RANBP3: variants seen among roughly 807,000 people sequenced by gnomAD.
RANBP3 encodes ran-binding protein 3.
RANBP3 carries 14 observed loss-of-function variants against 77.3 expected under a neutral mutation model. The observed-to-expected ratio is 0.18, with a 90% CI of 0.12 to 0.28. RANBP3 has a LOEUF of 0.28. Among genes scored for constraint, RANBP3 ranks in the 10% least tolerant of loss-of-function variants. The probability of loss-of-function intolerance (pLI) is 1.00; values close to 1 mark genes in which losing one functional copy is unlikely to be tolerated. For missense variants in RANBP3, 586 were observed against 752.3 expected (o/e 0.78, Z 2.59); for synonymous variants, 315 against 312.4 (o/e 1.01, Z -0.09).
In RANBP3 at chr19:5,932,496, G is replaced by A. The variant is rs2058006640; in HGVS notation, c.521C>T (p.Pro174Leu). 1.2e-6 allele frequency: 2 copies of A among 1,613,862 alleles called. No homozygotes were observed. The highest frequency in any genetic ancestry group is 1.7e-6 in the Non-Finnish European group (2 of 1,180,016). The change falls in exon 7 of 17, where the codon CCG becomes CTG. Residue 174 changes from proline (P) to leucine (L), a missense_variant. By Grantham distance (98) the Pro-to-Leu change is moderately conservative. Coordinates refer to ENST00000340578, the MANE Select transcript of RANBP3 (RefSeq NM_007322.3). The part of the protein sequence containing the change: ...PKEQQRSVLR[P>L]AVLQAPQPKA... ...TGGCTGCGGAGCTTGTAACACTGCC[G>A]GGCGAAGCACGCTCCGCTGCTGCTC...
chr19:5,920,868 G>C (rs559707488), intron 14 of RANBP3: 5 of 188,306 alleles, frequency 2.7e-5, no homozygotes, highest in Non-Finnish European at 5.5e-5. Flanking sequence ...TTTATCAAGA[G>C]ATTAGACTTG....
intron 1 of RANBP3, among the ~76,000 whole-genome samples, chr19:5,977,667 G>A (rs1368639120): frequency 6.6e-6 from 1 of 152,204 alleles, no homozygotes; most frequent in Admixed American, 6.5e-5. Context: ...GAGGACGAGG[G>A]GGCGGGGAGG....
At chr19:5,975,848 A>G (rs2058584427) in intron 1 of RANBP3, among the ~76,000 whole-genome samples, 1 of 151,870 alleles carries the variant, frequency 6.6e-6, no homozygotes, top group Non-Finnish European at 1.5e-5. Context: ...CAGCAGGAGA[A>G]AAGGCTAAAA....
At position 5,921,904 on chromosome 19, in the gene RANBP3, A is replaced by C. The variant is rs1392664779; in HGVS notation, c.1210-583T>G. 3.3e-5 allele frequency among the ~76,000 whole-genome samples: 5 copies of C among 152,208 alleles called. No individual in the cohort carries two copies. The highest frequency in any genetic ancestry group is 3.3e-4 in the Admixed American group (5 of 15,286). The stretch of plus-strand genomic sequence containing the variant: ...GAACAAGGCTCCGACCCCCGCTGCA[A>C]CGTGGATGAACCTCTGGCTCAGCGA... On this transcript the variant is annotated intron_variant, in intron 13 of 16. Coordinates refer to ENST00000340578, the MANE Select transcript of RANBP3 (RefSeq NM_007322.3). The surrounding 1 kb of genome is among the most constrained non-coding windows in gnomAD (Gnocchi z 5.3).
intron 1 of RANBP3, among the ~76,000 whole-genome samples, chr19:5,966,413 CA>C (rs1326000822): frequency 6.6e-6 from 1 of 152,212 alleles, no homozygotes; most frequent in Non-Finnish European, 1.5e-5. Context: ...GGCACACACT[CA>C]ATGGTGACAC....
intron 5 of RANBP3, among the ~76,000 whole-genome samples, chr19:5,935,505 T>C (rs2058051997): frequency 6.6e-6 from 1 of 152,248 alleles, no homozygotes; most frequent in African/African-American, 2.4e-5. Context: ...ATTCACAATT[T>C]AGATAGTTTT....
rs1223290892 is a variant in RANBP3, at chr19:5,917,886, A to G, written c.1568T>C (p.Met523Thr). The G allele has an allele frequency of 6.2e-7, 1 of 1,612,728 alleles. No homozygotes were observed. The highest frequency in any genetic ancestry group is 1.3e-5 in the African/African-American group (1 of 74,922). Reference sequence around the variant, plus strand: ...GGCTGCCCCAGGCTCAGGCGCGGGCATCTTGGCCTCCTGCTCCTGCTCCAC... The same window carrying G: ...GGCTGCCCCAGGCTCAGGCGCGGGCGTCTTGGCCTCCTGCTCCTGCTCCAC... ...SRVEQEQEAK[M>T]PAPEPGAAPS... is the part of the protein sequence containing the mutation. Residue 523 changes from methionine to threonine, a missense_variant, in exon 16 of 17, where the codon ATG (methionine) becomes ACG (threonine). Coordinates refer to ENST00000340578, the MANE Select transcript of RANBP3 (RefSeq NM_007322.3).
Position 5,923,907 on chromosome 19 carries a change from G to C in RANBP3, c.1004C>G (p.Pro335Arg). Residue 335 changes from proline to arginine, a missense_variant, in exon 12 of 17, where the codon CCA (proline) becomes CGA (arginine). Pro to Arg is a moderately radical substitution (Grantham distance 103). Coordinates refer to ENST00000340578, the MANE Select transcript of RANBP3 (RefSeq NM_007322.3). ...QNMSERVLSP[P>R]KLNEVSSDAN... ...ATCTGAACTGACCTCGTTTAATTTTGGGGGGCTCTGCAGGGACACAAAAGC... is the reference window on the plus strand; with the variant it reads ...ATCTGAACTGACCTCGTTTAATTTTCGGGGGCTCTGCAGGGACACAAAAGC... 6.2e-7 allele frequency: 1 copy of C among 1,613,670 alleles called. No individual in the cohort carries two copies.
In RANBP3 at chr19:5,923,320, C is replaced by T. The variant is rs973371110; in HGVS notation, c.1100-17G>A. 2 of 1,606,544 alleles carry T rather than the reference C, an allele frequency of 1.2e-6. No homozygotes were observed. The highest frequency in any genetic ancestry group is 8.5e-7 in the Non-Finnish European group (1 of 1,173,216). Reference sequence around the variant, plus strand: ...CCAGGGACTCTGAAAAGTTATTGGCCAAAAAGACTGACTGATTATTTGGCG... The same window carrying T: ...CCAGGGACTCTGAAAAGTTATTGGCTAAAAAGACTGACTGATTATTTGGCG... On this transcript the variant is annotated splice_polypyrimidine_tract_variant and intron_variant, in intron 12 of 16. Transcript: ENST00000340578.
chr19:5,932,600 G>T, intron 6 of RANBP3, 56 bp from the exon 7 acceptor site: 1 of 1,426,168 alleles, frequency 7.0e-7, no homozygotes, highest in Non-Finnish European at 9.9e-7. Context: ...GCCCCCAGGC[G>T]CTTCAGAGAC....
rs202125680 is a variant in RANBP3, at chr19:5,923,884, C to G, written c.1027G>C (p.Asp343His). ...SPPKLNEVSS[D>H]ANRENAAAES... Reference sequence around the variant, plus strand: ...GCAGCTGCATTTTCCCTGTTGGCATCTGAACTGACCTCGTTTAATTTTGGG... The same window carrying G: ...GCAGCTGCATTTTCCCTGTTGGCATGTGAACTGACCTCGTTTAATTTTGGG... The change falls in exon 12 of 17, where the codon GAT (aspartate) becomes CAT (histidine). Residue 343 changes from aspartate to histidine, a missense_variant. Physicochemically the swap from Asp to His is moderately conservative, Grantham distance 81 (BLOSUM62 -1). Transcript: ENST00000340578. 1.0e-4 allele frequency: 167 copies of G among 1,614,184 alleles called. No individual in the cohort carries two copies. Among genetic ancestry groups the G allele is most frequent in the Non-Finnish European group, 7.7e-5 (91 of 1,180,026 alleles).
In RANBP3 at chr19:5,918,476, C is replaced by A; in HGVS notation, c.1473+20G>T. ...CTGGCAGGATGAGGGGTCCCAGATGCACCCGCGTGGCTGGCTCACCGAGAT... is the reference window on the plus strand; with the variant it reads ...CTGGCAGGATGAGGGGTCCCAGATGAACCCGCGTGGCTGGCTCACCGAGAT... On this transcript the variant is annotated intron_variant, in intron 15 of 16. Coordinates refer to ENST00000340578, the MANE Select transcript of RANBP3 (RefSeq NM_007322.3). 1 of 1,564,742 alleles carries A rather than the reference C, an allele frequency of 6.4e-7. No individual in the cohort carries two copies.
chr19:5,946,950 C>T (rs1382859408), intron 3 of RANBP3, among the ~76,000 whole-genome samples: 1 of 152,156 alleles, frequency 6.6e-6, no homozygotes, highest in East Asian at 1.9e-4. Context: ...GGGTTGGTCC[C>T]GAACAATGCC....
Position 5,978,138 on chromosome 19 carries a change from T to TC in RANBP3, c.-57dup. On this transcript the variant is annotated 5_prime_UTR_variant, in exon 1 of 17. Coordinates refer to ENST00000340578, the MANE Select transcript of RANBP3 (RefSeq NM_007322.3). ...CGCGCCGGCCCAGGCTCGCCTGCTTTCTGCCAGAAACTCCCGCGCGTGCGC... is the reference window on the plus strand; with the variant it reads ...CGCGCCGGCCCAGGCTCGCCTGCTTTCCTGCCAGAAACTCCCGCGCGTGCGC... The TC allele has an allele frequency of 1.9e-6, 3 of 1,585,940 alleles. No individual in the cohort carries two copies. Among genetic ancestry groups the TC allele is most frequent in the African/African-American group, 1.4e-5 (1 of 72,186 alleles).
chr19:5,935,209 G>A (rs988039262), intron 5 of RANBP3, among the ~76,000 whole-genome samples: 4 of 152,196 alleles, frequency 2.6e-5, no homozygotes, highest in Non-Finnish European at 4.4e-5. Flanking sequence ...CCCCGGAGGC[G>A]CCGCTGTGCC....
chr19:5,964,869 C>CGG (rs2058447772), intron 1 of RANBP3, among the ~76,000 whole-genome samples: 2 of 33,168 alleles, frequency 6.0e-5, no homozygotes, highest in African/African-American at 8.6e-5. Flanking sequence ...GGGGGTGGCA[C>CGG]GGTGGGGGGT....
chr19:5,973,968 AG>A (rs1324737211), intron 1 of RANBP3, among the ~76,000 whole-genome samples: 1 of 152,176 alleles, frequency 6.6e-6, no homozygotes, highest in Non-Finnish European at 1.5e-5. Context: ...TGAGGACCAA[AG>A]CCTGTGTCCC....
chr19:5,977,213 A>G (rs1046370970), intron 1 of RANBP3, among the ~76,000 whole-genome samples: 10 of 151,802 alleles, frequency 6.6e-5, no homozygotes, highest in African/African-American at 2.4e-4. Flanking sequence ...AAAGGGGGGG[A>G]GCTAAAAATA....
chr19:5,917,762 A>T, intron 16 of RANBP3, 32 bp downstream of exon 16: 1 of 1,590,532 alleles, frequency 6.3e-7, no homozygotes, highest in Non-Finnish European at 8.6e-7. Flanking sequence ...AGCTCTTTCT[A>T]TCCCCCCCAG....
Sources: gnomAD v4.1 joint callset for allele counts (sites outside exome capture counted in the v4.1 genomes callset) on GRCh38, gnomAD v4.1.1 for gene constraint, Gnocchi (gnomAD v3.1) non-coding constraint, MANE v1.5 for transcripts, NCBI Gene and HGNC (gene_info 2026-07-23, HGNC 2026-07-21) for gene names.